The following CD36 variants were observed in gnomAD, a reference collection of about 807,000 sequenced individuals.
CD36 encodes the protein platelet glycoprotein 4.
CD36 carries 119 observed loss-of-function variants against 55.2 expected under a neutral mutation model. The observed-to-expected ratio is 2.15, with a 90% CI of 1.86 to 2.51. The LOEUF (loss-of-function observed/expected upper bound fraction) is 2.51, where lower values mean the gene tolerates loss of function less well. Ranked by LOEUF, CD36 falls within the 30% of genes most tolerant of loss-of-function variation. CD36 has a pLI of 0.00. For synonymous variants in CD36, 186 were observed against 193.6 expected, an observed-to-expected ratio of 0.96 and a Z score of 0.33; for missense variants, 819 against 555.5, an observed-to-expected ratio of 1.47 and a Z score of -4.77.
intron 11 of CD36, 96 bp downstream of exon 11, chr7:80,672,136 A>ATG: frequency 3.8e-5 from 39 of 1,027,664 alleles, no homozygotes; most frequent in Non-Finnish European, 5.4e-5. Flanking sequence ...TTCAATAAAT[A>ATG]ATCATATTTA....
intron 4 of CD36, among the ~76,000 whole-genome samples, chr7:80,657,433 A>G (rs1796180056): frequency 6.6e-6 from 1 of 152,208 alleles, no homozygotes; most frequent in Admixed American, 6.5e-5. Context: ...ACAATATTTT[A>G]TATCTTTCCT....
chr7:80,671,913 TGTCTTCA>T lies in CD36; in HGVS notation c.1007-7_1007-1del. 1 of 1,610,504 alleles carries T rather than the reference TGTCTTCA, an allele frequency of 6.2e-7. No individual in the cohort carries two copies. The highest frequency in any genetic ancestry group is 1.3e-5 in the African/African-American group (1 of 74,964). ...TTAATTCCAATTGACTCTTAAAACT[TGTCTTCA>T]GGGAGACCTGTGTACATTTCACTTC... On this transcript the variant is annotated splice_acceptor_variant and splice_polypyrimidine_tract_variant and intron_variant, in intron 10 of 14. Coordinates refer to ENST00000447544, the MANE Select transcript of CD36 (RefSeq NM_001001548.3). LOFTEE classifies it high-confidence loss of function.
At position 80,606,916 on chromosome 7, in the gene CD36, G is replaced by C. The variant is rs111533572; in HGVS notation, c.-184+4537G>C. On this transcript the variant is annotated intron_variant, in intron 1 of 13. Coordinates refer to the CD36 transcript ENST00000309881. ...TCCTTTCTGACCTAGACAGCTGCTT[G>C]AATGTTCCTTCCCCTTCAGTCTTCC... Among the ~76,000 whole-genome samples the C allele has an allele frequency of 2.3e-3, 347 of 152,158 alleles. 3 individuals are homozygous for C. Among genetic ancestry groups the C allele is most frequent in the African/African-American group, 7.8e-3 (323 of 41,492 alleles).
At chr7:80,612,117 A>G (rs957052841) in intron 1 of CD36, among the ~76,000 whole-genome samples, 1 of 152,168 alleles carries the variant, frequency 6.6e-6, no homozygotes. Context: ...TACAGTACAA[A>G]GTTCTTTGTT....
At chr7:80,604,346 T>A (rs993735404) in intron 1 of CD36, among the ~76,000 whole-genome samples, 1 of 135,672 alleles carries the variant, frequency 7.4e-6, no homozygotes, top group African/African-American at 2.6e-5. Context: ...GCTAAGCCAC[T>A]GGAATTTTTT....
Position 80,676,604 on chromosome 7 carries a change from G to A in CD36, c.*221G>A, listed in dbSNP as rs1216239462. ...GCATTTCATGTGCACCAAATATTTT[G>A]AAAGACATTTATAAATAATTGGCTT... On this transcript the variant is annotated 3_prime_UTR_variant, in exon 15 of 15. Transcript: ENST00000447544. The A allele has an allele frequency of 6.6e-6, 1 of 152,104 alleles. No individual in the cohort carries two copies. Among genetic ancestry groups the A allele is most frequent in the Non-Finnish European group, 1.5e-5 (1 of 68,014 alleles). The allele number at this position is 152,104 out of a possible 1,614,324, so 9.4% of individuals were successfully genotyped here.
chr7:80,613,738 A>G (rs763101334), intron 1 of CD36, among the ~76,000 whole-genome samples: 5 of 152,146 alleles, frequency 3.3e-5, no homozygotes, highest in Non-Finnish European at 5.9e-5. Context: ...TTTGATTCTT[A>G]AATTTGAATA....
At chr7:80,617,358 A>T (rs1253236987) in intron 1 of CD36, among the ~76,000 whole-genome samples, 1 of 152,072 alleles carries the variant, frequency 6.6e-6, no homozygotes, top group African/African-American at 2.4e-5. Context: ...ACAAACCTGC[A>T]TGTGTACCCC....
chr7:80,674,424 A>G, intron 14 of CD36: 1 of 379,918 alleles, frequency 2.6e-6, no homozygotes, highest in Non-Finnish European at 4.8e-6. Context: ...TCCAAAATTG[A>G]CTGGTTCATT....
At chr7:80,673,869 A>C (rs1797978846) in intron 13 of CD36, 114 bp from the exon 14 acceptor site, 1 of 786,076 alleles carries the variant, frequency 1.3e-6, no homozygotes, top group South Asian at 1.5e-5. Context: ...TGCCTTATAG[A>C]TACTGATGAC....
At chr7:80,602,614 T>C (rs577088956) in intron 1 of CD36, among the ~76,000 whole-genome samples, 15 of 152,300 alleles carry the variant, frequency 9.8e-5, no homozygotes, top group African/African-American at 2.9e-4. Flanking sequence ...CTAAATTCCA[T>C]AGGATGCTAT....
At chr7:80,639,751 A>G (rs1281218431) in intron 1 of CD36, 1 of 152,018 alleles carries the variant, frequency 6.6e-6, no homozygotes, top group Non-Finnish European at 1.5e-5. Flanking sequence ...CCAAAATGAA[A>G]TATTTAAAAA....
chr7:80,672,283 G>C (rs1797765224), intron 11 of CD36, among the ~76,000 whole-genome samples: 1 of 151,724 alleles, frequency 6.6e-6, no homozygotes, highest in Non-Finnish European at 1.5e-5. Flanking sequence ...TTATGCAAAA[G>C]TCAAAGAGTA....
At chr7:80,611,430 A>T (rs963454908) in intron 1 of CD36, among the ~76,000 whole-genome samples, 2 of 152,126 alleles carry the variant, frequency 1.3e-5, no homozygotes. Flanking sequence ...TCATCTTGAA[A>T]ATTCTGAGAG....
rs556402579 is a variant in CD36 at position 80,666,343 on chromosome 7, C to T, written c.702-100C>T. The T allele has an allele frequency of 4.5e-5, 35 of 784,768 alleles. No homozygotes were observed. In the African/African-American group the frequency reaches 5.0e-4, roughly 11 times the overall value. 48.6% of individuals were successfully genotyped at this position (784,768 alleles called of 1,614,324 possible). On this transcript the variant is annotated intron_variant, in intron 7 of 14. Transcript: ENST00000447544. ...ACTTAGTACTTGTCACATTTAAATG[C>T]ATCATATTAACAGAAGTATTGAATT...
chr7:80,658,553 C>G (rs3211875), intron 4 of CD36, among the ~76,000 whole-genome samples: 18,873 of 152,100 alleles, frequency 0.12, 1,611 homozygotes, highest in East Asian at 0.27. Context: ...AGTGCAGTGG[C>G]ACGATCACAG....
chr7:80,662,853 T>G, intron 5 of CD36, 137 bp from the exon 6 acceptor site: 1 of 721,368 alleles, frequency 1.4e-6, no homozygotes, highest in Non-Finnish European at 2.4e-6. Context: ...CATTTTGAGT[T>G]TTGGCAGGAT....
chr7:80,664,565 A>C, intron 7 of CD36, 68 bp downstream of exon 7: 1 of 879,514 alleles, frequency 1.1e-6, no homozygotes, highest in South Asian at 1.3e-5. Context: ...GTATTCATTT[A>C]ACATCTCATA....
At chr7:80,640,740 T>G (rs747598268) in intron 1 of CD36, among the ~76,000 whole-genome samples, 29 of 152,062 alleles carry the variant, frequency 1.9e-4, no homozygotes, top group Non-Finnish European at 4.0e-4. Context: ...TAATCCCTGG[T>G]TCATAAGTCT....
Sources: allele counts gnomAD v4.1 joint callset (sites outside exome capture counted in the v4.1 genomes callset), GRCh38; gene constraint gnomAD v4.1.1; transcripts MANE v1.5; gene names NCBI Gene and HGNC (gene_info 2026-07-23, HGNC 2026-07-21).